KCNMB2: variants seen among roughly 807,000 people sequenced by gnomAD.
The protein encoded by KCNMB2 is calcium-activated potassium channel subunit beta-2.
KCNMB2 carries 9 observed loss-of-function variants against 24.5 expected under a neutral mutation model. The observed-to-expected ratio is 0.37, with a 90% CI of 0.22 to 0.64. KCNMB2 has a LOEUF of 0.64. KCNMB2 is among the 30% of genes least tolerant of loss of function. The probability of loss-of-function intolerance (pLI) is 0.63; values close to 1 mark genes in which losing one functional copy is unlikely to be tolerated. For missense variants in KCNMB2, 226 were observed against 284.3 expected, an observed-to-expected ratio of 0.79 and a Z score of 1.47; for synonymous variants, 109 against 104.4, an observed-to-expected ratio of 1.04 and a Z score of -0.27.
chr3:178,759,172 CAT>C (rs1432919002), intron 1 of KCNMB2, among the ~76,000 whole-genome samples: 1 of 56,728 alleles, frequency 1.8e-5, no homozygotes, highest in Non-Finnish European at 3.2e-5. Flanking sequence ...AAGAGGGATA[CAT>C]ATATATATAT....
At chr3:178,758,982 TATATATATATATATATCTCCAAGAGGG>T (rs1711525880) in intron 1 of KCNMB2, among the ~76,000 whole-genome samples, 1 of 23,894 alleles carries the variant, frequency 4.2e-5, no homozygotes, top group Non-Finnish European at 7.1e-5. Context: ...TATATATATA[TATATATATATATATATCTCCAAGAGGG>T]ATATATATAT....
At chr3:178,655,879 C>G (rs1316409867) in intron 1 of KCNMB2, among the ~76,000 whole-genome samples, 1 of 152,148 alleles carries the variant, frequency 6.6e-6, no homozygotes, top group Non-Finnish European at 1.5e-5. Context: ...TCAGAATTTA[C>G]TTTTATCACA....
chr3:178,792,456 G>GA (rs1261597888), intron 1 of KCNMB2, among the ~76,000 whole-genome samples: 3 of 151,516 alleles, frequency 2.0e-5, no homozygotes, highest in African/African-American at 2.4e-5. Flanking sequence ...CATACCACTA[G>GA]AAAAAAAATT....
chr3:178,824,971 C>A (rs778173401), intron 2 of KCNMB2, among the ~76,000 whole-genome samples: 3 of 152,298 alleles, frequency 2.0e-5, no homozygotes, highest in South Asian at 2.1e-4. Flanking sequence ...ACTTTTCTAA[C>A]TCAATCGAAA....
rs796538683 is a variant in KCNMB2 at position 178,641,185 on chromosome 3, C to CT, written c.-68+104480dup. On this transcript the variant is annotated intron_variant, in intron 1 of 4. Coordinates refer to ENST00000452583, the MANE Select transcript of KCNMB2 (RefSeq NM_181361.3). The stretch of plus-strand genomic sequence containing the variant: ...TTGTGTAACTGATTGTAGATTTTTG[C>CT]TTTTTTATAAGAGCTCTAGAATCAG... 1.5e-4 allele frequency among the ~76,000 whole-genome samples: 23 copies of CT among 152,018 alleles called. 2 individuals carry two copies. The highest frequency in any genetic ancestry group is 5.1e-4 in the African/African-American group (21 of 41,500).
chr3:178,614,379 T>A lies in KCNMB2; in HGVS notation c.-68+77668T>A, dbSNP rs190058961. Among the ~76,000 whole-genome samples, 1,072 of 142,180 alleles carry A rather than the reference T, an allele frequency of 7.5e-3. 10 individuals carry two copies. Among genetic ancestry groups the A allele is most frequent in the Non-Finnish European group, 0.013 (835 of 65,102 alleles). 93.3% of individuals were successfully genotyped at this position (142,180 alleles called of 152,430 possible). ...TATATGAGATTTAATGGACTCACAG[T>A]TCCACATGGCTGGGGAGGCCTCATA... On this transcript the variant is annotated intron_variant, in intron 1 of 4. Coordinates refer to ENST00000452583, the MANE Select transcript of KCNMB2 (RefSeq NM_181361.3).
chr3:178,697,634 T>C (rs1399290736), intron 1 of KCNMB2, among the ~76,000 whole-genome samples: 2 of 152,236 alleles, frequency 1.3e-5, no homozygotes, highest in Non-Finnish European at 2.9e-5. Context: ...TCTGTGGATT[T>C]GATCCTGTCA....
chr3:178,730,784 C>A (rs887761668), intron 1 of KCNMB2, among the ~76,000 whole-genome samples: 7 of 152,034 alleles, frequency 4.6e-5, no homozygotes, highest in African/African-American at 1.7e-4. Flanking sequence ...CAAGCCTTCC[C>A]CCTGCCTGGA....
intron 1 of KCNMB2, among the ~76,000 whole-genome samples, chr3:178,652,485 T>A (rs1720160815): frequency 2.0e-5 from 3 of 152,124 alleles, no homozygotes; most frequent in African/African-American, 7.2e-5. Flanking sequence ...TCATGTATTT[T>A]TTTCTCCAGT....
intron 1 of KCNMB2, among the ~76,000 whole-genome samples, chr3:178,737,162 C>T (rs1273581186): frequency 3.3e-5 from 5 of 151,960 alleles, no homozygotes; most frequent in African/African-American, 9.7e-5. Context: ...CCCAACTGCT[C>T]GGGAGGCTGA....
intron 1 of KCNMB2, among the ~76,000 whole-genome samples, chr3:178,646,564 ACACT>A (rs1057335918): frequency 6.6e-6 from 1 of 152,216 alleles, no homozygotes; most frequent in African/African-American, 2.4e-5. Context: ...GGAAAGCATG[ACACT>A]CACTGTAAAG....
intron 1 of KCNMB2, among the ~76,000 whole-genome samples, chr3:178,745,819 A>G (rs1723648546): frequency 6.6e-6 from 1 of 152,214 alleles, no homozygotes; most frequent in Admixed American, 6.5e-5. Flanking sequence ...TAAAGTTCCA[A>G]AATAATCTCC....
At chr3:178,673,831 T>C (rs1355860336) in intron 1 of KCNMB2, among the ~76,000 whole-genome samples, 2 of 152,178 alleles carry the variant, frequency 1.3e-5, no homozygotes, top group Non-Finnish European at 2.9e-5. Context: ...AAGGTCCTCA[T>C]CTGTAAAAGC....
intron 1 of KCNMB2, among the ~76,000 whole-genome samples, chr3:178,762,298 G>C (rs929625818): frequency 1.7e-4 from 26 of 152,222 alleles, no homozygotes; most frequent in African/African-American, 6.3e-4. Context: ...ACAAAAAGGT[G>C]AGAAGAATCC....
chr3:178,744,159 G>A (rs570469511), intron 1 of KCNMB2, among the ~76,000 whole-genome samples: 27 of 152,224 alleles, frequency 1.8e-4, no homozygotes, highest in Non-Finnish European at 3.1e-4. Flanking sequence ...TTAATAACAC[G>A]GTATTTCATG....
At chr3:178,703,902 T>C (rs1722190376) in intron 1 of KCNMB2, among the ~76,000 whole-genome samples, 1 of 152,284 alleles carries the variant, frequency 6.6e-6, no homozygotes, top group East Asian at 1.9e-4. Context: ...GTGGTTTAAA[T>C]GATAGCATAA....
At chr3:178,727,125 G>A (rs1722991228) in intron 1 of KCNMB2, among the ~76,000 whole-genome samples, 2 of 152,060 alleles carry the variant, frequency 1.3e-5, no homozygotes, top group South Asian at 4.1e-4. Flanking sequence ...ACAGGAAATA[G>A]CCATATACCC....
At chr3:178,754,916 C>T (rs901305424) in intron 1 of KCNMB2, among the ~76,000 whole-genome samples, 9 of 152,304 alleles carry the variant, frequency 5.9e-5, no homozygotes, top group Non-Finnish European at 1.0e-4. Context: ...GTTCCTCTCC[C>T]GCAGCCTCTA....
At chr3:178,582,091 G>T (rs2108490288) in intron 1 of KCNMB2, among the ~76,000 whole-genome samples, 1 of 152,300 alleles carries the variant, frequency 6.6e-6, no homozygotes, top group South Asian at 2.1e-4. Context: ...GTCCACAATA[G>T]CAAAGACTTG....
Sources: gnomAD v4.1 joint callset for allele counts (sites outside exome capture counted in the v4.1 genomes callset) on GRCh38, gnomAD v4.1.1 for gene constraint, MANE v1.5 for transcripts, NCBI Gene and HGNC (gene_info 2026-07-23, HGNC 2026-07-21) for gene names.